ZFP69: variants seen among roughly 807,000 people sequenced by gnomAD.
ZFP69 encodes ZFP69 zinc finger protein, also known as zinc finger protein 69 homolog.
Under a neutral mutation model 48.9 loss-of-function variants are expected in ZFP69, and 35 were observed. That is an observed-to-expected ratio of 0.72 (90% CI 0.55 to 0.95). The LOEUF (loss-of-function observed/expected upper bound fraction) is 0.95. Ranked by LOEUF, ZFP69 falls within the 40% of genes least tolerant of loss-of-function variation. The pLI is 0.00. For missense variants in ZFP69, 557 were observed against 638.4 expected, an observed-to-expected ratio of 0.87 and a Z score of 1.37; for synonymous variants, 193 against 216.8, an observed-to-expected ratio of 0.89 and a Z score of 0.96.
rs1452722830 is a variant in ZFP69, at chr1:40,496,155, T to C, written c.*96T>C. 7.8e-7 allele frequency: 1 copy of C among 1,276,090 alleles called. No homozygotes were observed. The highest frequency in any genetic ancestry group is 1.5e-5 in the African/African-American group (1 of 67,148). 79.0% of individuals were successfully genotyped at this position (1,276,090 alleles called of 1,614,324 possible). A position where few individuals can be genotyped will look rare whatever the true frequency, so the allele number is the denominator to read the frequency against. ...ACTCAGATATGAGGAATTGATGTAA[T>C]GATGCCAACTTTTAATTTTTCCCAT... is the stretch of plus-strand genomic sequence containing the variant. On this transcript the variant is annotated 3_prime_UTR_variant, in exon 6 of 6. Transcript: ENST00000372706.
intron 2 of ZFP69, 33 bp downstream of exon 2, chr1:40,479,521 G>C: frequency 6.3e-7 from 1 of 1,585,668 alleles, no homozygotes; most frequent in Non-Finnish European, 8.6e-7. Flanking sequence ...GGAAGAAGGG[G>C]ATCTCATTTG....
chr1:40,479,604 C>G lies in ZFP69; in HGVS notation c.127+116C>G. 10 of 1,372,132 alleles carry G rather than the reference C, an allele frequency of 7.3e-6. No homozygotes were observed. The South Asian group carries it at 1.4e-4, about 19-fold the overall frequency. 85.0% of individuals were successfully genotyped at this position (1,372,132 alleles called of 1,614,324 possible). ...GAGAGAAGGTCTCTGGGGGTTCATT[C>G]TTGTGGTTTTTGGGAAGGGGACAGC... On this transcript the variant is annotated intron_variant, in intron 2 of 5. Coordinates refer to ENST00000372706, the MANE Select transcript of ZFP69 (RefSeq NM_001320179.2).
Position 40,495,995 on chromosome 1 carries a change from A to G in ZFP69, c.1517A>G (p.Tyr506Cys), listed in dbSNP as rs116699307. ...AACGAATGTGGAAAAGCCTTCAGCTATAACTCTTCACTTAGTCGACATCAT... is the reference window on the plus strand; with the variant it reads ...AACGAATGTGGAAAAGCCTTCAGCTGTAACTCTTCACTTAGTCGACATCAT... The part of the protein sequence containing the change: ...ECNECGKAFS[Y>C]NSSLSRHHEI... The change falls in exon 6 of 6, where the codon TAT (tyrosine) becomes TGT (cysteine). Residue 506 changes from tyrosine (Y) to cysteine (C), a missense_variant. Transcript: ENST00000372706. The G allele has an allele frequency of 1.3e-5, 21 of 1,613,686 alleles. No individual in the cohort carries two copies. Among genetic ancestry groups the G allele is most frequent in the Middle Eastern group, 1.7e-4 (1 of 6,060 alleles).
rs1021418900 is a variant in ZFP69, at chr1:40,494,649, ATATT to A, written c.443-264_443-261del. On this transcript the variant is annotated intron_variant, in intron 5 of 5. Coordinates refer to ENST00000372706, the MANE Select transcript of ZFP69 (RefSeq NM_001320179.2). Reference sequence around the variant, plus strand: ...AAAATATACATTATATATAAAATATATATTTATTTATATTTATATATTTATAAAT... The same window carrying A: ...AAAATATACATTATATATAAAATATATATTTATATTTATATATTTATAAAT... 1.9e-3 allele frequency among the ~76,000 whole-genome samples: 283 copies of A among 146,802 alleles called. 1 individual carries two copies. The highest frequency in any genetic ancestry group is 6.0e-3 in the African/African-American group (243 of 40,618).
At chr1:40,484,041 C>T (rs553661056) in intron 3 of ZFP69, among the ~76,000 whole-genome samples, 15 of 152,182 alleles carry the variant, frequency 9.9e-5, no homozygotes, top group Admixed American at 7.2e-4. Flanking sequence ...CGCCATTGCA[C>T]TCTAGCCTGG....
chr1:40,484,883 CTTTT>C lies in ZFP69; in HGVS notation c.219+3052_219+3055del, dbSNP rs71060386. Among the ~76,000 whole-genome samples, 361 of 44,346 alleles carry C rather than the reference CTTTT, an allele frequency of 8.1e-3. 3 individuals carry two copies. The highest frequency in any genetic ancestry group is 0.011 in the Non-Finnish European group (315 of 28,046). The allele number at this position is 44,346 out of a possible 152,430, so 29.1% of individuals were successfully genotyped here. A position where few individuals can be genotyped will look rare whatever the true frequency, so the allele number is the denominator to read the frequency against. On this transcript the variant is annotated intron_variant, in intron 3 of 5. Coordinates refer to ENST00000372706, the MANE Select transcript of ZFP69 (RefSeq NM_001320179.2). Reference sequence around the variant, plus strand: ...GGCATGAGCCACTGCGCCTGGCCTGCTTTTTTTTTTTTTTTTTTTTTTTTTTGAT... The same window carrying C: ...GGCATGAGCCACTGCGCCTGGCCTGCTTTTTTTTTTTTTTTTTTTTTTGAT...
chr1:40,484,709 C>G (rs1489962390), intron 3 of ZFP69, among the ~76,000 whole-genome samples: 2 of 151,010 alleles, frequency 1.3e-5, no homozygotes, highest in Admixed American at 1.3e-4. Flanking sequence ...TCCTGAGTAG[C>G]TGGGACTACA....
rs769119570 is a variant in ZFP69, at chr1:40,494,948, A to C, written c.470A>C (p.Glu157Ala). 8 of 1,611,634 alleles carry C rather than the reference A, an allele frequency of 5.0e-6. No individual in the cohort carries two copies. The highest frequency in any genetic ancestry group is 6.8e-6 in the Non-Finnish European group (8 of 1,179,212). Residue 157 changes from glutamate to alanine, a missense_variant, in exon 6 of 6, where the codon GAG (glutamate) becomes GCG (alanine). Coordinates refer to ENST00000372706, the MANE Select transcript of ZFP69 (RefSeq NM_001320179.2). ...TTGAAGAGTAAAATAGAAACCATTG[A>C]GTCAACTGCAAAGAGTACCATTTCA... ...SDLKSKIETI[E>A]STAKSTISQE...
intron 5 of ZFP69, chr1:40,493,702 ATAT>A (rs1427759939): frequency 6.6e-6 from 1 of 152,172 alleles, no homozygotes; most frequent in Non-Finnish European, 1.5e-5. Context: ...CAGAGCATAG[ATAT>A]TATTAGACAT....
At position 40,488,725 on chromosome 1, in the gene ZFP69, G is replaced by T. The variant is rs140747551; in HGVS notation, c.220-363G>T. Among the ~76,000 whole-genome samples, 407 of 152,180 alleles carry T rather than the reference G, an allele frequency of 2.7e-3. 6 individuals carry two copies. The East Asian group carries it at 0.049, about 18-fold the overall frequency. ...TCCCTTTACTGAATTTATGTCTCCG[G>T]TCAAACATCACCCTTTTAGAGAGTC... is the stretch of plus-strand genomic sequence containing the variant. On this transcript the variant is annotated intron_variant, in intron 3 of 5. Transcript: ENST00000372706.
chr1:40,495,850 A>G lies in ZFP69; in HGVS notation c.1372A>G (p.Lys458Glu). 1.2e-6 allele frequency: 2 copies of G among 1,614,198 alleles called. No homozygotes were observed. The highest frequency in any genetic ancestry group is 1.3e-5 in the African/African-American group (1 of 75,052). Residue 458 changes from lysine (K) to glutamate (E), a missense_variant, in exon 6 of 6, where the codon AAA (lysine) becomes GAA (glutamate). Coordinates refer to ENST00000372706, the MANE Select transcript of ZFP69 (RefSeq NM_001320179.2). ...FRQRIHLSNH[K>E]TVHTGVKAYE... ...GCAGAGGATACACCTTAGCAACCAT[A>G]AAACTGTTCATACAGGAGTGAAAGC...
At chr1:40,484,083 AT>A (rs1205174035) in intron 3 of ZFP69, among the ~76,000 whole-genome samples, 3 of 152,164 alleles carry the variant, frequency 2.0e-5, no homozygotes, top group Non-Finnish European at 4.4e-5. Flanking sequence ...CTCAAAAAAA[AT>A]AAATAAATAA....
Position 40,479,076 on chromosome 1 carries a change from C to A in ZFP69, c.-286C>A, listed in dbSNP as rs1645418365. 1 of 280,556 alleles carries A rather than the reference C, an allele frequency of 3.6e-6. No individual in the cohort carries two copies. The highest frequency in any genetic ancestry group is 4.9e-5 in the Admixed American group (1 of 20,478). 17.4% of individuals were successfully genotyped at this position (280,556 alleles called of 1,614,324 possible). On this transcript the variant is annotated 5_prime_UTR_variant, in exon 2 of 6. Transcript: ENST00000372706. ...AGACAAGTGCTTCTGGATCCCTCTT[C>A]CCTTCCCTTTTGCTCCTCTAAAGAG... is the stretch of plus-strand genomic sequence containing the variant.
At chr1:40,494,870 C>G in intron 5 of ZFP69, 51 bp from the exon 6 acceptor site, 1 of 1,491,910 alleles carries the variant, frequency 6.7e-7, no homozygotes, top group Non-Finnish European at 9.1e-7. Context: ...AATCTCTGTT[C>G]CATAACCACT....
chr1:40,483,569 G>A (rs1645464607), intron 3 of ZFP69, among the ~76,000 whole-genome samples: 1 of 152,006 alleles, frequency 6.6e-6, no homozygotes, highest in African/African-American at 2.4e-5. Context: ...TATGTAAATT[G>A]TACTTCAGTT....
rs759165203 is a variant in ZFP69, at chr1:40,495,943, C to T, written c.1465C>T (p.His489Tyr). The T allele has an allele frequency of 3.1e-6, 5 of 1,614,078 alleles. No homozygotes were observed. Among genetic ancestry groups the T allele is most frequent in the Non-Finnish European group, 4.2e-6 (5 of 1,180,048 alleles). ...DSSFKKHQRH[H>Y]TGEKPYECNE... Reference sequence around the variant, plus strand: ...ATCCTTTAAAAAACATCAGAGACATCACACTGGAGAAAAACCTTACGAATG... The same window carrying T: ...ATCCTTTAAAAAACATCAGAGACATTACACTGGAGAAAAACCTTACGAATG... The change falls in exon 6 of 6, where the codon CAC (histidine) becomes TAC (tyrosine). Residue 489 changes from histidine (H) to tyrosine (Y), a missense_variant. His to Tyr is a moderately conservative substitution (Grantham distance 83). Coordinates refer to ENST00000372706, the MANE Select transcript of ZFP69 (RefSeq NM_001320179.2).
rs1645541660 is a variant in ZFP69 at position 40,489,550 on chromosome 1, G to A, written c.368G>A (p.Ser123Asn). 1.2e-6 allele frequency: 2 copies of A among 1,612,860 alleles called. No homozygotes were observed. The highest frequency in any genetic ancestry group is 2.2e-5 in the South Asian group (2 of 90,990). The change falls in exon 5 of 6, where the codon AGT (serine) becomes AAT (asparagine). Residue 123 changes from serine to asparagine, a missense_variant. Ser to Asn is a conservative substitution (Grantham distance 46, BLOSUM62 1). Transcript: ENST00000372706. ...VSVGYQLSKP[S>N]VISQLEKGEE... ...GCAGGATATCAACTTTCCAAACCTA[G>A]TGTGATATCCCAGTTAGAGAAAGGA...
In ZFP69 at chr1:40,477,401, G is replaced by C. The variant is rs1269106515; in HGVS notation, c.-820G>C. 2 of 152,200 alleles carry C rather than the reference G, an allele frequency of 1.3e-5. No homozygotes were observed. Among genetic ancestry groups the C allele is most frequent in the Non-Finnish European group, 2.9e-5 (2 of 68,066 alleles). 9.4% of individuals were successfully genotyped at this position (152,200 alleles called of 1,614,324 possible). On this transcript the variant is annotated 5_prime_UTR_variant, in exon 1 of 6. Coordinates refer to ENST00000372706, the MANE Select transcript of ZFP69 (RefSeq NM_001320179.2). The surrounding 1 kb of genome is among the most constrained non-coding windows in gnomAD (Gnocchi z 4.0). The stretch of plus-strand genomic sequence containing the variant: ...CGGCCGGCGGTGCAAGCGGCCGGGA[G>C]GGCGCGGCCGGAGGCAGAGGCCAGG...
chr1:40,495,160 GA>G lies in ZFP69; in HGVS notation c.686del (p.Asn229IlefsTer28). On this transcript the variant is annotated frameshift_variant, in exon 6 of 6. Coordinates refer to ENST00000372706, the MANE Select transcript of ZFP69 (RefSeq NM_001320179.2). LOFTEE classifies it high-confidence loss of function. ...AGTCCAAGAAACTAACAAATTTGGG[GA>G]AAATATCATTGTGCATTCAAATGTT... is the stretch of plus-strand genomic sequence containing the variant. ...KRVQETNKFG[E>X]NIIVHSNVII... 6.2e-7 allele frequency: 1 copy of G among 1,614,032 alleles called. No homozygotes were observed. Among genetic ancestry groups the G allele is most frequent in the South Asian group, 1.1e-5 (1 of 91,074 alleles).
Sources: gnomAD v4.1 joint callset for allele counts (sites outside exome capture counted in the v4.1 genomes callset) on GRCh38, gnomAD v4.1.1 for gene constraint, Gnocchi (gnomAD v3.1) non-coding constraint, MANE v1.5 for transcripts, NCBI Gene and HGNC (gene_info 2026-07-23, HGNC 2026-07-21) for gene names.